Variants in BRD2 observed in about 807,000 individuals in gnomAD.
BRD2 encodes bromodomain-containing protein 2.
BRD2 carries 15 observed loss-of-function variants against 79.1 expected under a neutral mutation model. The ratio of observed to expected loss-of-function variants is 0.19; its 90% CI spans 0.13 to 0.29. BRD2 has a LOEUF of 0.29. Ranked by LOEUF, BRD2 falls within the 10% of genes least tolerant of loss-of-function variation. The pLI is 1.00. For missense variants in BRD2, 1,053 were observed against 991.3 expected (o/e 1.06, Z -0.84); for synonymous variants, 488 against 358.6 (o/e 1.36, Z -4.08).
Position 32,969,072 on chromosome 6 carries a change from T to A in BRD2, c.-1305+16T>A, listed in dbSNP as rs1009418312. 3.1e-5 allele frequency: 14 copies of A among 457,750 alleles called. No homozygotes were observed. Among genetic ancestry groups the A allele is most frequent in the Non-Finnish European group, 5.6e-5 (14 of 250,188 alleles). 28.4% of individuals were successfully genotyped at this position (457,750 alleles called of 1,614,324 possible). A position where few individuals can be genotyped will look rare whatever the true frequency, so the allele number is the denominator to read the frequency against. ...TAGGATCCAGGTGAGAAGGGGCCCTTGTGGGGCGGAGATGTCAGTCAAGTG... is the reference window on the plus strand; with the variant it reads ...TAGGATCCAGGTGAGAAGGGGCCCTAGTGGGGCGGAGATGTCAGTCAAGTG... On this transcript the variant is annotated intron_variant, in intron 1 of 12. Coordinates refer to ENST00000374825, the MANE Select transcript of BRD2 (RefSeq NM_005104.4).
In BRD2 at chr6:32,972,137, A is replaced by T. The variant is rs1213055837; in HGVS notation, c.-762A>T. 1.5e-6 allele frequency: 1 copy of T among 656,822 alleles called. No homozygotes were observed. The allele number at this position is 656,822 out of a possible 1,614,324, so 40.7% of individuals were successfully genotyped here. ...GAAAAGCTCAAGCAGGGTGGCGCGC[A>T]TGAGCGGCGAAGCTCCTCCTCCCCG... is the stretch of plus-strand genomic sequence containing the variant. On this transcript the variant is annotated 5_prime_UTR_variant, in exon 2 of 13. It removes an upstream start codon present in the reference 5' UTR. Transcript: ENST00000374825.
intron 1 of BRD2, chr6:32,969,314 T>G (rs748040706): frequency 8.4e-6 from 6 of 716,342 alleles, no homozygotes; most frequent in Non-Finnish European, 2.6e-6. Flanking sequence ...GCCCCCCCTA[T>G]TCCATTCGTC....
intron 10 of BRD2, chr6:32,978,785 G>A (rs1383191989): frequency 2.2e-5 from 5 of 224,516 alleles, no homozygotes; most frequent in Non-Finnish European, 3.5e-5. Context: ...AACAGGCCAC[G>A]GACTGGTACT....
At chr6:32,978,623 G>A in intron 10 of BRD2, 1 of 642,004 alleles carries the variant, frequency 1.6e-6, no homozygotes. Flanking sequence ...AGATCATTGG[G>A]CCATTGGATT....
At chr6:32,978,419 T>G in intron 10 of BRD2, 31 bp downstream of exon 10, 3 of 1,598,062 alleles carry the variant, frequency 1.9e-6, no homozygotes, top group Non-Finnish European at 2.6e-6. Flanking sequence ...GAGACTAGTT[T>G]GGCTATTTCT....
In BRD2 at chr6:32,976,360, C is replaced by G. The variant is rs756315160; in HGVS notation, c.721C>G (p.Pro241Ala). The change falls in exon 6 of 13, where the codon CCC becomes GCC. Residue 241 changes from proline (P) to alanine (A), a missense_variant. By Grantham distance (27) the Pro-to-Ala change is conservative. Transcript: ENST00000374825. ...PEIPTTVLNIPHPSVISSPLL... is the reference protein window; with the variant it reads ...PEIPTTVLNIAHPSVISSPLL... The stretch of plus-strand genomic sequence containing the variant: ...GATACCTACCACTGTCCTCAACATT[C>G]CCCACCCATCAGTCATTTCCTCTCC... 6 of 1,612,940 alleles carry G rather than the reference C, an allele frequency of 3.7e-6. No homozygotes were observed. Among genetic ancestry groups the G allele is most frequent in the African/African-American group, 1.3e-5 (1 of 74,910 alleles).
chr6:32,974,105 GTTT>G (rs1262722179), intron 2 of BRD2, among the ~76,000 whole-genome samples: 9 of 150,844 alleles, frequency 6.0e-5, no homozygotes, highest in Non-Finnish European at 1.0e-4. Flanking sequence ...TGGGGTTTGA[GTTT>G]CTTAACTCCA....
chr6:32,971,962 C>T lies in BRD2; in HGVS notation c.-937C>T, dbSNP rs1018124941. ...CCCTGTGGGTCTCTGCGGCACTCTT[C>T]TGCCTGGTGACTGACACCTTGGAAA... On this transcript the variant is annotated 5_prime_UTR_variant, in exon 2 of 13. Transcript: ENST00000374825. 4.3e-6 allele frequency: 3 copies of T among 702,858 alleles called. No homozygotes were observed. In the African/African-American group the frequency reaches 5.2e-5, roughly 12 times the overall value. The allele number at this position is 702,858 out of a possible 1,614,324, so 43.5% of individuals were successfully genotyped here. A position where few individuals can be genotyped will look rare whatever the true frequency, so the allele number is the denominator to read the frequency against.
At chr6:32,978,483 T>C in intron 10 of BRD2, 95 bp downstream of exon 10, 1 of 1,530,398 alleles carries the variant, frequency 6.5e-7, no homozygotes. Flanking sequence ...AATGGCCAGT[T>C]AACAGATACA....
At chr6:32,973,200 G>T in intron 2 of BRD2, 1 of 1,509,908 alleles carries the variant, frequency 6.6e-7, no homozygotes. Context: ...CTAGTTTGAC[G>T]GTGGAGTGGA....
Position 32,977,428 on chromosome 6 carries a change from G to A in BRD2, c.1201-14G>A, listed in dbSNP as rs2127518991. The A allele has an allele frequency of 6.2e-7, 1 of 1,613,770 alleles. No individual in the cohort carries two copies. The highest frequency in any genetic ancestry group is 1.3e-5 in the African/African-American group (1 of 75,032). On this transcript the variant is annotated splice_polypyrimidine_tract_variant and intron_variant, in intron 7 of 12. Transcript: ENST00000374825. ...TCCTGCCTGTGCAGCTTCTGATGCT[G>A]CCTCCTTCTGCAGCGGAAGATGGAG...
rs17617655 is a variant in BRD2, at chr6:32,972,567, C to G, written c.-332C>G. On this transcript the variant is annotated 5_prime_UTR_variant, in exon 2 of 13. Coordinates refer to ENST00000374825, the MANE Select transcript of BRD2 (RefSeq NM_005104.4). ...GCCCGACAAGAAGAGGGAATCCCTG[C>G]AGACCAACAGCGGGCTATATTGACG... The G allele has an allele frequency of 9.7e-3, 4,649 of 477,630 alleles. 93 individuals are homozygous for G. Among genetic ancestry groups the G allele is most frequent in the East Asian group, 0.038 (1,011 of 26,564 alleles). 29.6% of individuals were successfully genotyped at this position (477,630 alleles called of 1,614,324 possible). A position where few individuals can be genotyped will look rare whatever the true frequency, so the allele number is the denominator to read the frequency against.
intron 7 of BRD2, chr6:32,977,230 C>CT (rs1287755818): frequency 6.5e-7 from 1 of 1,530,154 alleles, no homozygotes; most frequent in East Asian, 2.4e-5. Context: ...GGCCACCTCT[C>CT]TGTCACTTAG....
intron 3 of BRD2, 181 bp from the exon 4 acceptor site, chr6:32,975,203 C>CT: frequency 1.6e-6 from 2 of 1,282,278 alleles, no homozygotes; most frequent in South Asian, 1.4e-5. Flanking sequence ...TGTCAAGAAT[C>CT]TTTTTTATTT....
Position 32,972,369 on chromosome 6 carries a change from A to C in BRD2, c.-530A>C. The C allele has an allele frequency of 3.2e-6, 1 of 309,806 alleles. No homozygotes were observed. The allele number at this position is 309,806 out of a possible 1,614,324, so 19.2% of individuals were successfully genotyped here. On this transcript the variant is annotated 5_prime_UTR_variant, in exon 2 of 13. Coordinates refer to ENST00000374825, the MANE Select transcript of BRD2 (RefSeq NM_005104.4). ...CCAGCGGGCAGTACAGACCCCCTAG[A>C]AGCCCCTGGAGCTCCCCTTTTTCGG...
chr6:32,969,435 A>T (rs115061042), intron 1 of BRD2: 20,396 of 703,314 alleles, frequency 0.029, 381 homozygotes, highest in South Asian at 0.044. Context: ...CTACCCGTGG[A>T]TGTGAATGCT....
chr6:32,975,094 T>C (rs1226879181), intron 3 of BRD2: 2 of 1,510,032 alleles, frequency 1.3e-6, no homozygotes, highest in African/African-American at 2.8e-5. Context: ...ATGCAGCCCA[T>C]GGATAGCCAG....
chr6:32,980,551 A>G, intron 12 of BRD2, 31 bp from the exon 13 acceptor site: 1 of 1,612,788 alleles, frequency 6.2e-7, no homozygotes, highest in African/African-American at 1.3e-5. Context: ...TTCAGACTTG[A>G]ACGTCTTTAA....
chr6:32,974,659 C>G lies in BRD2; in HGVS notation c.227C>G (p.Thr76Ser). The change falls in exon 3 of 13, where the codon ACC becomes AGC. Residue 76 changes from threonine to serine, a missense_variant. Coordinates refer to ENST00000374825, the MANE Select transcript of BRD2 (RefSeq NM_005104.4). ...VSNPKKPGRV[T>S]NQLQYLHKVV... is the part of the protein sequence containing the mutation. Reference sequence around the variant, plus strand: ...AATCCCAAAAAGCCAGGACGAGTTACCAACCAGCTGCAATACCTACACAAG... The same window carrying G: ...AATCCCAAAAAGCCAGGACGAGTTAGCAACCAGCTGCAATACCTACACAAG... The G allele has an allele frequency of 1.2e-6, 2 of 1,614,218 alleles. No individual in the cohort carries two copies. The highest frequency in any genetic ancestry group is 1.7e-6 in the Non-Finnish European group (2 of 1,180,050).
Sources: gnomAD v4.1 joint callset for allele counts (sites outside exome capture counted in the v4.1 genomes callset) on GRCh38, gnomAD v4.1.1 for gene constraint, MANE v1.5 for transcripts, NCBI Gene and HGNC (gene_info 2026-07-23, HGNC 2026-07-21) for gene names.